STAT5B: variants seen among roughly 807,000 people sequenced by gnomAD.
STAT5B encodes transcription factor STAT5B.
Under a neutral mutation model 107.8 loss-of-function variants are expected in STAT5B, and 21 were observed. The observed-to-expected ratio is 0.19, with a 90% CI of 0.14 to 0.28. STAT5B has a LOEUF of 0.28. Ranked by LOEUF, STAT5B falls within the 10% of genes least tolerant of loss-of-function variation. The pLI, the probability that STAT5B is intolerant of heterozygous loss-of-function variation, is 1.00. For missense variants in STAT5B, 565 were observed against 1,008.2 expected, an observed-to-expected ratio of 0.56 and a Z score of 5.95; for synonymous variants, 325 against 401.7, an observed-to-expected ratio of 0.81 and a Z score of 2.28.
Position 42,217,484 on chromosome 17 carries a change from C to G in STAT5B, c.1170-20G>C, listed in dbSNP as rs2080182131. On this transcript the variant is annotated intron_variant, in intron 9 of 18. Coordinates refer to ENST00000293328, the MANE Select transcript of STAT5B (RefSeq NM_012448.4). The stretch of plus-strand genomic sequence containing the variant: ...TAATCACTGCAAATCAGAGAGAGAC[C>G]AGCTCCAAACCCATGCCAGGGTCTC... The G allele has an allele frequency of 1.2e-6, 2 of 1,613,948 alleles. No homozygotes were observed. Among genetic ancestry groups the G allele is most frequent in the African/African-American group, 2.7e-5 (2 of 75,038 alleles).
chr17:42,287,361 C>A, the STAT5B span, among the ~76,000 whole-genome samples: 1 of 149,540 alleles, frequency 6.7e-6, no homozygotes, highest in Non-Finnish European at 1.5e-5. Flanking sequence ...AGTCTTGGCC[C>A]AGCTGTGCTG....
intron 13 of STAT5B, among the ~76,000 whole-genome samples, chr17:42,211,450 G>A (rs1445001587): frequency 6.6e-6 from 1 of 152,036 alleles, no homozygotes; most frequent in East Asian, 1.9e-4. Context: ...CGGTTGCGGT[G>A]AGCCAAGATC....
chr17:42,208,391 T>C (rs2080102978), intron 15 of STAT5B, among the ~76,000 whole-genome samples: 1 of 151,782 alleles, frequency 6.6e-6, no homozygotes, highest in African/African-American at 2.4e-5. Context: ...TCCCAGGTAC[T>C]ATGCTGAGGT....
intron 1 of STAT5B, among the ~76,000 whole-genome samples, chr17:42,260,729 T>C (rs958538618): frequency 4.6e-5 from 7 of 152,080 alleles, no homozygotes; most frequent in African/African-American, 1.4e-4. Context: ...AATGTTGAAA[T>C]GATAATTTTT....
At chr17:42,276,412 CCGCGGGGGCGCGCGCGCCGCTCACG>C (rs1257191096), upstream of STAT5B, 1 of 147,226 alleles carries the variant, frequency 6.8e-6, no homozygotes, top group African/African-American at 2.4e-5. The surrounding 1 kb of genome is among the most constrained non-coding windows in gnomAD (Gnocchi z 4.8). Flanking sequence ...CCGCCGGGGC[CCGCGGGGGCGCGCGCGCCGCTCACG>C]CGCGGAGGCC....
chr17:42,260,058 T>A (rs1196871476), intron 1 of STAT5B, among the ~76,000 whole-genome samples: 1 of 152,318 alleles, frequency 6.6e-6, no homozygotes, highest in East Asian at 1.9e-4. Context: ...CACTGTTTAT[T>A]ATGGTAGCCT....
chr17:42,257,244 ATTC>A (rs1184723013), intron 1 of STAT5B, among the ~76,000 whole-genome samples: 1 of 152,196 alleles, frequency 6.6e-6, no homozygotes, highest in Non-Finnish European at 1.5e-5. Flanking sequence ...TTTTGTTTTT[ATTC>A]TTCTTCTCTT....
chr17:42,286,169 G>A, the STAT5B span, among the ~76,000 whole-genome samples: 10 of 144,916 alleles, frequency 6.9e-5, no homozygotes, highest in Admixed American at 2.1e-4. Flanking sequence ...GGAGGTGGAG[G>A]TTGCTGTGAG....
chr17:42,264,253 T>C (rs1166611396), intron 1 of STAT5B, among the ~76,000 whole-genome samples: 1 of 151,986 alleles, frequency 6.6e-6, no homozygotes, highest in Non-Finnish European at 1.5e-5. Flanking sequence ...CATGTGCACA[T>C]TGTGCAGGTT....
chr17:42,200,458 CTTTT>C lies in STAT5B; in HGVS notation c.*1276_*1279del, dbSNP rs1284503769. The C allele has an allele frequency of 6.6e-6, 1 of 152,620 alleles. No individual in the cohort carries two copies. The allele number at this position is 152,620 out of a possible 1,614,324, so 9.5% of individuals were successfully genotyped here. A position where few individuals can be genotyped will look rare whatever the true frequency, so the allele number is the denominator to read the frequency against. ...GTCGTGGAACAAAATTATACCGAGG[CTTTT>C]TTTGTTTTGTTTTATACTTTTATCA... On this transcript the variant is annotated 3_prime_UTR_variant, in exon 19 of 19. Transcript: ENST00000293328.
intron 16 of STAT5B, chr17:42,203,011 C>T (rs1407117574): frequency 1.7e-5 from 11 of 660,178 alleles, no homozygotes; most frequent in South Asian, 1.4e-4. Flanking sequence ...GGTGCAATCT[C>T]GGCTCACTGC....
intron 3 of STAT5B, among the ~76,000 whole-genome samples, chr17:42,227,205 G>A (rs113693260): frequency 5.3e-5 from 8 of 149,892 alleles, no homozygotes; most frequent in Non-Finnish European, 1.0e-4. Context: ...CTGGTGCAGG[G>A]ACACAAGGTA....
At chr17:42,216,297 A>G (rs964021002) in intron 11 of STAT5B, among the ~76,000 whole-genome samples, 191 bp from the exon 12 acceptor site, 9 of 152,212 alleles carry the variant, frequency 5.9e-5, no homozygotes, top group Admixed American at 4.6e-4. Context: ...GAAATTTTAA[A>G]TATTTTACAA....
intron 2 of STAT5B, among the ~76,000 whole-genome samples, chr17:42,231,339 T>TTTTG (rs910930071): frequency 6.6e-5 from 10 of 152,028 alleles, no homozygotes; most frequent in Non-Finnish European, 1.2e-4. Context: ...AGGGCTTTAA[T>TTTTG]TTTGTTTGTT....
chr17:42,216,166 T>A, intron 11 of STAT5B, 60 bp from the exon 12 acceptor site: 3 of 458,850 alleles, frequency 6.5e-6, no homozygotes, highest in Non-Finnish European at 9.3e-6. Flanking sequence ...TCCTTCTCTC[T>A]TTTTTTTTTT....
intron 1 of STAT5B, among the ~76,000 whole-genome samples, chr17:42,255,411 A>T (rs558843884): frequency 6.6e-6 from 1 of 152,360 alleles, no homozygotes; most frequent in Non-Finnish European, 1.5e-5. Flanking sequence ...CAAGCTGCTG[A>T]ATTAACTTGT....
chr17:42,226,940 C>T (rs1306213279), intron 3 of STAT5B, among the ~76,000 whole-genome samples: 2 of 145,948 alleles, frequency 1.4e-5, no homozygotes, highest in East Asian at 4.0e-4. Flanking sequence ...CTGTGGCCAA[C>T]ATGGCAAAAC....
intron 18 of STAT5B, 163 bp downstream of exon 18, chr17:42,202,177 C>A (rs1026088476): frequency 8.7e-6 from 7 of 803,846 alleles, no homozygotes; most frequent in African/African-American, 6.9e-5. Context: ...CCAATCACTT[C>A]TGGTCAAATC....
chr17:42,239,054 C>G (rs2080380930), intron 1 of STAT5B, among the ~76,000 whole-genome samples: 1 of 151,530 alleles, frequency 6.6e-6, no homozygotes, highest in Non-Finnish European at 1.5e-5. Flanking sequence ...TCAAGACCAT[C>G]CTGGCCAAAA....
Sources: gnomAD v4.1 joint callset for allele counts (sites outside exome capture counted in the v4.1 genomes callset) on GRCh38, gnomAD v4.1.1 for gene constraint, Gnocchi (gnomAD v3.1) non-coding constraint, MANE v1.5 for transcripts, NCBI Gene and HGNC (gene_info 2026-07-23, HGNC 2026-07-21) for gene names.